The following RNF220 variants were observed in gnomAD, a reference collection of about 807,000 sequenced individuals.
RNF220 encodes the protein E3 ubiquitin-protein ligase RNF220.
RNF220 carries 7 observed loss-of-function variants against 67.1 expected under a neutral mutation model. The ratio of observed to expected loss-of-function variants is 0.10; its 90% CI spans 0.06 to 0.20. The LOEUF (loss-of-function observed/expected upper bound fraction) is 0.20. Ranked by LOEUF, RNF220 falls within the 10% of genes least tolerant of loss-of-function variation. The probability of loss-of-function intolerance (pLI) is 1.00; values close to 1 mark genes in which losing one functional copy is unlikely to be tolerated. For synonymous variants in RNF220, 270 were observed against 283.2 expected, an observed-to-expected ratio of 0.95 and a Z score of 0.47; for missense variants, 565 against 740.3, an observed-to-expected ratio of 0.76 and a Z score of 2.75.
intron 2 of RNF220, among the ~76,000 whole-genome samples, chr1:44,552,858 T>C (rs1012907353): frequency 2.0e-5 from 3 of 152,104 alleles, no homozygotes; most frequent in South Asian, 4.1e-4. Flanking sequence ...CGTGAGCCAC[T>C]GCGCCCGGCC....
At chr1:44,517,071 T>C (rs1248090673) in intron 2 of RNF220, among the ~76,000 whole-genome samples, 1 of 152,154 alleles carries the variant, frequency 6.6e-6, no homozygotes, top group Non-Finnish European at 1.5e-5. Context: ...CTCTAAATCC[T>C]ATCTCAAATG....
chr1:44,593,255 G>A (rs74903394), intron 2 of RNF220, among the ~76,000 whole-genome samples: 5,316 of 152,278 alleles, frequency 0.035, 332 homozygotes, highest in African/African-American at 0.12. Flanking sequence ...TCACAGTCCT[G>A]ATAAGGATTT....
intron 2 of RNF220, among the ~76,000 whole-genome samples, chr1:44,567,067 T>C (rs1664078590): frequency 6.6e-6 from 1 of 152,182 alleles, no homozygotes; most frequent in African/African-American, 2.4e-5. Context: ...ATCACTCCTT[T>C]AATGCATCCG....
rs1643838655 is a variant in RNF220 at position 44,622,446 on chromosome 1, C to T, written c.759-296C>T. Among the ~76,000 whole-genome samples the T allele has an allele frequency of 1.3e-5, 2 of 152,158 alleles. No individual in the cohort carries two copies. Among genetic ancestry groups the T allele is most frequent in the Admixed American group, 6.5e-5 (1 of 15,282 alleles). On this transcript the variant is annotated intron_variant, in intron 3 of 14. Coordinates refer to ENST00000361799, the MANE Select transcript of RNF220 (RefSeq NM_018150.4). The surrounding 1 kb of genome is among the most constrained non-coding windows in gnomAD (Gnocchi z 4.3). ...ACAGGCAGAATCTTCAGGGCTGATA[C>T]GAGGAGTCAGGTAAAGCCCCTTTCT...
At position 44,549,280 on chromosome 1, in the gene RNF220, G is replaced by A. The variant is rs141511418; in HGVS notation, c.626-64885G>A. On this transcript the variant is annotated intron_variant, in intron 2 of 14. Coordinates refer to ENST00000361799, the MANE Select transcript of RNF220 (RefSeq NM_018150.4). ...TCTTTCCCAACTATTCATTTCATTA[G>A]CCCCAGTCCCTAGCACAATGCCTTG... 1.1e-3 allele frequency among the ~76,000 whole-genome samples: 172 copies of A among 152,270 alleles called. 1 individual carries two copies. Among genetic ancestry groups the A allele is most frequent in the African/African-American group, 3.8e-3 (160 of 41,568 alleles).
At chr1:44,626,709 C>T (rs1643951420) in intron 5 of RNF220, 1 of 309,484 alleles carries the variant, frequency 3.2e-6, no homozygotes, top group Non-Finnish European at 6.0e-6. Flanking sequence ...GACCCAGATA[C>T]ATAGCCCAGA....
chr1:44,495,505 G>T (rs1657260704), intron 2 of RNF220, among the ~76,000 whole-genome samples: 1 of 152,210 alleles, frequency 6.6e-6, no homozygotes, highest in Non-Finnish European at 1.5e-5. Flanking sequence ...TAGTTAGTAA[G>T]GGAACGTAAC....
intron 3 of RNF220, among the ~76,000 whole-genome samples, chr1:44,615,417 T>C (rs1032816763): frequency 6.6e-6 from 1 of 152,078 alleles, no homozygotes; most frequent in Non-Finnish European, 1.5e-5. Flanking sequence ...GGATGGAAGA[T>C]ATGGTTGATG....
intron 2 of RNF220, among the ~76,000 whole-genome samples, chr1:44,514,408 T>C (rs990498587): frequency 3.9e-5 from 6 of 152,224 alleles, no homozygotes; most frequent in African/African-American, 1.4e-4. Context: ...GTTGGAAATG[T>C]AGCCTGAGAG....
At chr1:44,455,466 C>G (rs1207671324) in intron 2 of RNF220, among the ~76,000 whole-genome samples, 2 of 152,082 alleles carry the variant, frequency 1.3e-5, no homozygotes, top group Non-Finnish European at 2.9e-5. Flanking sequence ...GTCTTGTTGC[C>G]AGTCTCCTGG....
At chr1:44,521,440 AC>A (rs1239777723) in intron 2 of RNF220, among the ~76,000 whole-genome samples, 1 of 152,210 alleles carries the variant, frequency 6.6e-6, no homozygotes, top group Non-Finnish European at 1.5e-5. Flanking sequence ...GCTGTAGAGA[AC>A]AATATAGAGT....
intron 1 of RNF220, among the ~76,000 whole-genome samples, chr1:44,411,254 G>C (rs899588251): frequency 3.9e-5 from 6 of 152,196 alleles, no homozygotes; most frequent in African/African-American, 1.4e-4. Flanking sequence ...TTTTATTGAT[G>C]AAGGTTTTGT....
chr1:44,527,296 G>A (rs976682565), intron 2 of RNF220, among the ~76,000 whole-genome samples: 1 of 151,980 alleles, frequency 6.6e-6, no homozygotes, highest in Admixed American at 6.6e-5. Context: ...CACACAAGCA[G>A]AAACCTAGTT....
At position 44,650,176 on chromosome 1, in the gene RNF220, T is replaced by C. The variant is rs1644753600; in HGVS notation, c.1629+219T>C. The C allele has an allele frequency of 2.2e-5, 13 of 599,226 alleles. No individual in the cohort carries two copies. In the South Asian group the frequency reaches 2.4e-4, roughly 11 times the overall value. 37.1% of individuals were successfully genotyped at this position (599,226 alleles called of 1,614,324 possible). ...AACTTCTCCCCCTCCATGAGTTCAC[T>C]GCATTCTCCCTTCCCCGCCCCGGTC... On this transcript the variant is annotated intron_variant, in intron 14 of 14. Transcript: ENST00000361799. The surrounding 1 kb of genome is among the most constrained non-coding windows in gnomAD (Gnocchi z 4.3).
At chr1:44,490,091 G>A (rs1316386785) in intron 2 of RNF220, among the ~76,000 whole-genome samples, 2 of 151,992 alleles carry the variant, frequency 1.3e-5, no homozygotes, top group Admixed American at 6.6e-5. Context: ...ACCGTTCTTC[G>A]TAAGACCAGT....
At chr1:44,587,613 T>C (rs1191076639) in intron 2 of RNF220, among the ~76,000 whole-genome samples, 1 of 152,206 alleles carries the variant, frequency 6.6e-6, no homozygotes, top group African/African-American at 2.4e-5. Context: ...CGCAGGCTGC[T>C]GTAGTCTAGC....
rs1007631377 is a variant in RNF220 at position 44,409,053 on chromosome 1, T to G, written c.-117-2928T>G. ...GCGCATCAGCCCAGCCTCAGACATT[T>G]TCACGTTCCAAACGCGGACGTCTTC... On this transcript the variant is annotated intron_variant, in intron 1 of 14. Coordinates refer to ENST00000361799, the MANE Select transcript of RNF220 (RefSeq NM_018150.4). 7.2e-4 allele frequency: 109 copies of G among 152,396 alleles called. 1 individual carries two copies. Among genetic ancestry groups the G allele is most frequent in the African/African-American group, 2.5e-3 (106 of 41,600 alleles). The allele number at this position is 152,396 out of a possible 1,614,324, so 9.4% of individuals were successfully genotyped here. A position where few individuals can be genotyped will look rare whatever the true frequency, so the allele number is the denominator to read the frequency against.
chr1:44,447,990 A>T (rs1652275519), intron 2 of RNF220, among the ~76,000 whole-genome samples: 1 of 152,188 alleles, frequency 6.6e-6, no homozygotes, highest in South Asian at 2.1e-4. Context: ...TGACAGTCAC[A>T]TTCCCTTTAG....
chr1:44,613,091 C>T (rs1643385509), intron 2 of RNF220, among the ~76,000 whole-genome samples: 1 of 150,092 alleles, frequency 6.7e-6, no homozygotes, highest in South Asian at 2.1e-4. Flanking sequence ...GCTCCTCAAC[C>T]CCACACCTGT....
Sources: gnomAD v4.1 joint callset for allele counts (sites outside exome capture counted in the v4.1 genomes callset) on GRCh38, gnomAD v4.1.1 for gene constraint, Gnocchi (gnomAD v3.1) non-coding constraint, MANE v1.5 for transcripts, NCBI Gene and HGNC (gene_info 2026-07-23, HGNC 2026-07-21) for gene names.